Variants in FRMD4B observed in about 807,000 individuals in gnomAD.
FRMD4B encodes the protein FERM domain-containing protein 4B.
FRMD4B carries 74 observed loss-of-function variants against 141.5 expected under a neutral mutation model. The ratio of observed to expected loss-of-function variants is 0.52; its 90% CI spans 0.43 to 0.63. The LOEUF (loss-of-function observed/expected upper bound fraction) is 0.63. Among genes scored for constraint, FRMD4B ranks in the 30% least tolerant of loss-of-function variants. FRMD4B has a pLI of 0.00. For synonymous variants in FRMD4B, 506 were observed against 467.9 expected (o/e 1.08, Z -1.05); for missense variants, 1,366 against 1,253.4 (o/e 1.09, Z -1.36).
At chr3:69,215,282 C>CTTTT (rs1559724064) in intron 11 of FRMD4B, among the ~76,000 whole-genome samples, 2 of 37,474 alleles carry the variant, frequency 5.3e-5, no homozygotes, top group Non-Finnish European at 7.5e-5. Context: ...GATTGTGACC[C>CTTTT]TCTTTTTTTT....
chr3:69,457,573 G>A (rs1389714802), intron 1 of FRMD4B, among the ~76,000 whole-genome samples: 5 of 152,168 alleles, frequency 3.3e-5, no homozygotes, highest in Admixed American at 6.5e-5. Flanking sequence ...TAACATGGCC[G>A]AGGTCGAAGT....
chr3:69,540,660 T>TATACACACACACAC (rs1241897477), intron 1 of FRMD4B, among the ~76,000 whole-genome samples: 4 of 56,874 alleles, frequency 7.0e-5, no homozygotes, highest in African/African-American at 4.1e-4. Context: ...TATATATATA[T>TATACACACACACAC]ACACACACAC....
chr3:69,277,983 G>A (rs181797217), intron 5 of FRMD4B, among the ~76,000 whole-genome samples: 318 of 151,888 alleles, frequency 2.1e-3, no homozygotes, highest in African/African-American at 7.4e-3. Flanking sequence ...AGCCTCCCAA[G>A]TAGCTGGGAC....
intron 3 of FRMD4B, among the ~76,000 whole-genome samples, chr3:69,305,891 T>A (rs913196816): frequency 2.0e-5 from 3 of 152,330 alleles, no homozygotes; most frequent in Non-Finnish European, 2.9e-5. Flanking sequence ...TTCAAAACAC[T>A]ATTAAATATT....
chr3:69,535,450 G>A (rs1247376316), intron 1 of FRMD4B, among the ~76,000 whole-genome samples: 1 of 152,198 alleles, frequency 6.6e-6, no homozygotes, highest in East Asian at 1.9e-4. Flanking sequence ...GTAACCATGT[G>A]CTGCTATCGT....
At chr3:69,499,118 G>A (rs901772302) in intron 1 of FRMD4B, among the ~76,000 whole-genome samples, 1 of 152,170 alleles carries the variant, frequency 6.6e-6, no homozygotes, top group African/African-American at 2.4e-5. Context: ...TGAGTGCAAA[G>A]GTCCTGAGGC....
chr3:69,255,262 GA>G (rs2093485714), intron 5 of FRMD4B, among the ~76,000 whole-genome samples: 1 of 152,176 alleles, frequency 6.6e-6, no homozygotes, highest in South Asian at 2.1e-4. Flanking sequence ...ATTTACATAT[GA>G]AAGGAGAAAG....
At chr3:69,363,533 G>A (rs1244677697) in intron 1 of FRMD4B, among the ~76,000 whole-genome samples, 1 of 152,120 alleles carries the variant, frequency 6.6e-6, no homozygotes, top group Non-Finnish European at 1.5e-5. Context: ...GGGACTACAG[G>A]CGCCTGCCAC....
intron 4 of FRMD4B, among the ~76,000 whole-genome samples, chr3:69,300,634 G>C (rs1701183077): frequency 1.3e-5 from 2 of 152,208 alleles, no homozygotes; most frequent in African/African-American, 2.4e-5. Context: ...ATGTTCTGAA[G>C]ACATAACGCT....
At chr3:69,218,239 G>A (rs1463658273) in intron 10 of FRMD4B, 83 bp downstream of exon 10, 2 of 702,822 alleles carry the variant, frequency 2.8e-6, no homozygotes, top group Non-Finnish European at 4.9e-6. Context: ...GATATAATCA[G>A]CCTTTTATAT....
intron 1 of FRMD4B, among the ~76,000 whole-genome samples, chr3:69,461,793 C>T (rs1195629481): frequency 1.3e-5 from 2 of 151,974 alleles, no homozygotes; most frequent in Non-Finnish European, 2.9e-5. Context: ...ACAATATATC[C>T]TGGATTTTTC....
chr3:69,225,099 G>A lies in FRMD4B; in HGVS notation c.582-409C>T, dbSNP rs144231583. ...ATTCACATAACATCAACAATTTTTC[G>A]TAATAGATATCATTGCAATGAAAAG... On this transcript the variant is annotated intron_variant, in intron 7 of 22. Transcript: ENST00000398540. 5.4e-3 allele frequency among the ~76,000 whole-genome samples: 815 copies of A among 152,122 alleles called. 8 individuals carry two copies. The highest frequency in any genetic ancestry group is 0.037 in the Middle Eastern group (11 of 294).
chr3:69,169,608 C>T lies in FRMD4B; in HGVS notation c.*2253G>A, dbSNP rs918798895. On this transcript the variant is annotated 3_prime_UTR_variant, in exon 23 of 23. Transcript: ENST00000398540. ...CTGAGCTCAAGCAATCCTCCCACTT[C>T]GGCCTCCCAAAGTGCTGGGATTACA... 3.3e-5 allele frequency among the ~76,000 whole-genome samples: 5 copies of T among 152,034 alleles called. No individual in the cohort carries two copies. The highest frequency in any genetic ancestry group is 6.5e-5 in the Admixed American group (1 of 15,268).
intron 1 of FRMD4B, among the ~76,000 whole-genome samples, chr3:69,452,455 T>C (rs1575806831): frequency 6.6e-6 from 1 of 152,358 alleles, no homozygotes; most frequent in South Asian, 2.1e-4. Flanking sequence ...AATTTCCTTA[T>C]CTGTGAAACA....
Position 69,322,177 on chromosome 3 carries a change from G to A in FRMD4B, c.163-8660C>T, listed in dbSNP as rs116786595. Among the ~76,000 whole-genome samples, 763 of 152,288 alleles carry A rather than the reference G, an allele frequency of 5.0e-3. 6 individuals carry two copies. The highest frequency in any genetic ancestry group is 0.017 in the African/African-American group (694 of 41,554). ...AGATATTCTGGAGGAACTGGAGAGC[G>A]GGAGAAGGATGTATCTAGGACGTTC... On this transcript the variant is annotated intron_variant, in intron 1 of 22. Coordinates refer to ENST00000398540, the MANE Select transcript of FRMD4B (RefSeq NM_015123.3).
intron 1 of FRMD4B, among the ~76,000 whole-genome samples, chr3:69,433,919 A>C (rs1705219211): frequency 6.6e-6 from 1 of 152,206 alleles, no homozygotes; most frequent in South Asian, 2.1e-4. Context: ...TTTTAGTCTA[A>C]GCCCCCACTT....
chr3:69,535,651 C>T (rs549839796), intron 1 of FRMD4B: 20 of 214,214 alleles, frequency 9.3e-5, no homozygotes, highest in African/African-American at 4.0e-4. Context: ...CCGCCCCTGC[C>T]TCCGGCCCTA....
intron 1 of FRMD4B, among the ~76,000 whole-genome samples, chr3:69,323,608 G>GTATGTGTA (rs1553723965): frequency 2.8e-4 from 28 of 101,674 alleles, no homozygotes; most frequent in African/African-American, 8.1e-4. Context: ...CTCTCTCTGT[G>GTATGTGTA]TATATATATA....
At chr3:69,311,118 A>T in intron 3 of FRMD4B, 145 bp downstream of exon 3, 1 of 496,792 alleles carries the variant, frequency 2.0e-6, no homozygotes, top group Non-Finnish European at 3.7e-6. Flanking sequence ...ATCCTAGGAG[A>T]AAAATCGCAT....
Sources: allele counts gnomAD v4.1 joint callset (sites outside exome capture counted in the v4.1 genomes callset), GRCh38; gene constraint gnomAD v4.1.1; transcripts MANE v1.5; gene names NCBI Gene and HGNC (gene_info 2026-07-23, HGNC 2026-07-21).